Variants in FER1L6 observed in about 807,000 individuals in gnomAD.
The protein encoded by FER1L6 is fer-1 like family member 6.
FER1L6 carries 177 observed loss-of-function variants against 219.2 expected under a neutral mutation model. The observed-to-expected ratio is 0.81, with a 90% CI of 0.71 to 0.91. The LOEUF (loss-of-function observed/expected upper bound fraction) is 0.91. Ranked by LOEUF, FER1L6 falls within the 40% of genes least tolerant of loss-of-function variation. The probability of loss-of-function intolerance (pLI) is 0.00; values close to 1 mark genes in which losing one functional copy is unlikely to be tolerated. For synonymous variants in FER1L6, 768 were observed against 824.3 expected, an observed-to-expected ratio of 0.93 and a Z score of 1.17; for missense variants, 2,153 against 2,259.9, an observed-to-expected ratio of 0.95 and a Z score of 0.96.
At chr8:124,053,427 C>T (rs1820140684) in intron 22 of FER1L6, among the ~76,000 whole-genome samples, 1 of 152,214 alleles carries the variant, frequency 6.6e-6, no homozygotes, top group Non-Finnish European at 1.5e-5. Context: ...GACTTCTTCT[C>T]TTTTGATCAC....
chr8:124,013,132 C>T (rs900884158), intron 14 of FER1L6, among the ~76,000 whole-genome samples: 1 of 152,106 alleles, frequency 6.6e-6, no homozygotes, highest in Non-Finnish European at 1.5e-5. Flanking sequence ...TAGGTTTCCC[C>T]AGAGGGTAGA....
intron 1 of FER1L6, among the ~76,000 whole-genome samples, chr8:123,951,240 C>T (rs1814750309): frequency 6.6e-6 from 1 of 152,138 alleles, no homozygotes; most frequent in Admixed American, 6.5e-5. Context: ...CCAATGAAAT[C>T]ACACCCTAGG....
intron 1 of FER1L6, among the ~76,000 whole-genome samples, chr8:123,942,507 C>T (rs2130001953): frequency 6.6e-6 from 1 of 152,326 alleles, no homozygotes; most frequent in Admixed American, 6.5e-5. Context: ...GTTCTGGAGG[C>T]CAGAAGTCTG....
rs1821273440 is a variant in FER1L6, at chr8:124,076,089, C to G, written c.4093-109C>G. The G allele has an allele frequency of 8.6e-6, 12 of 1,393,800 alleles. No individual in the cohort carries two copies. In the East Asian group the frequency reaches 2.8e-4, roughly 33 times the overall value. The allele number at this position is 1,393,800 out of a possible 1,614,324, so 86.3% of individuals were successfully genotyped here. A position where few individuals can be genotyped will look rare whatever the true frequency, so the allele number is the denominator to read the frequency against. ...GCCCTGGCCCGTTAAATCAGACTAT[C>G]TAGAGACAGAAGTCAGGCATTAGCA... On this transcript the variant is annotated intron_variant, in intron 31 of 40. Coordinates refer to ENST00000522917, the MANE Select transcript of FER1L6 (RefSeq NM_001039112.2).
At chr8:123,859,525 G>A (rs1052041203) in intron 1 of FER1L6, among the ~76,000 whole-genome samples, 26 of 147,342 alleles carry the variant, frequency 1.8e-4, no homozygotes, top group Non-Finnish European at 2.8e-4. Context: ...TCAGCCTCTC[G>A]TAACCACCTT....
intron 18 of FER1L6, among the ~76,000 whole-genome samples, chr8:124,024,539 A>G (rs10087645): frequency 0.65 from 98,455 of 152,054 alleles, 33,679 homozygotes; most frequent in African/African-American, 0.88. Context: ...ACATTATTTC[A>G]TTCTTTTTAT....
At chr8:124,060,145 T>C in intron 22 of FER1L6, 35 bp from the exon 23 acceptor site, 1 of 1,534,842 alleles carries the variant, frequency 6.5e-7, no homozygotes, top group Non-Finnish European at 9.0e-7. Context: ...CCTGTGTCTC[T>C]CCAGCATCTA....
intron 1 of FER1L6, among the ~76,000 whole-genome samples, chr8:123,892,137 T>C (rs745840052): frequency 1.3e-5 from 2 of 152,178 alleles, no homozygotes; most frequent in African/African-American, 4.8e-5. Flanking sequence ...GATTTGTTTA[T>C]AAGGCTCTAT....
intron 1 of FER1L6, among the ~76,000 whole-genome samples, chr8:123,911,418 C>G (rs940816657): frequency 6.6e-6 from 1 of 152,188 alleles, no homozygotes; most frequent in African/African-American, 2.4e-5. Context: ...CAGGCAGTGT[C>G]ATGCTTCACA....
At chr8:124,023,982 C>T (rs1347158158) in intron 18 of FER1L6, among the ~76,000 whole-genome samples, 9 of 151,522 alleles carry the variant, frequency 5.9e-5, no homozygotes, top group African/African-American at 1.9e-4. Context: ...CTGCAACCTC[C>T]GCCTCCCGGA....
At chr8:124,112,745 A>AATAAG (rs1253882821) in intron 39 of FER1L6, among the ~76,000 whole-genome samples, 3 of 152,196 alleles carry the variant, frequency 2.0e-5, no homozygotes, top group Non-Finnish European at 4.4e-5. Flanking sequence ...TTCAACAGTG[A>AATAAG]ATAAGATAAA....
At chr8:124,018,007 G>T (rs993258532) in intron 16 of FER1L6, among the ~76,000 whole-genome samples, 2 of 152,176 alleles carry the variant, frequency 1.3e-5, no homozygotes, top group African/African-American at 4.8e-5. Context: ...CGGTAGACTC[G>T]CTTGGCCCTC....
At chr8:123,970,317 G>A (rs1202928507) in intron 6 of FER1L6, among the ~76,000 whole-genome samples, 1 of 152,160 alleles carries the variant, frequency 6.6e-6, no homozygotes, top group African/African-American at 2.4e-5. Context: ...GGAAGCAAGT[G>A]GTAAGCTATG....
At chr8:123,963,210 A>G in intron 2 of FER1L6, 68 bp from the exon 3 acceptor site, 1 of 1,599,384 alleles carries the variant, frequency 6.3e-7, no homozygotes, top group Non-Finnish European at 8.5e-7. Context: ...GGGCTGGCAT[A>G]AGGTAGAGGC....
At chr8:123,880,636 T>C (rs539706186) in intron 1 of FER1L6, among the ~76,000 whole-genome samples, 1 of 152,136 alleles carries the variant, frequency 6.6e-6, no homozygotes, top group South Asian at 2.1e-4. Context: ...TCAGCCCACG[T>C]CCCCAACCTT....
At chr8:124,097,153 C>T in intron 35 of FER1L6, 118 bp from the exon 36 acceptor site, 1 of 584,940 alleles carries the variant, frequency 1.7e-6, no homozygotes, top group Admixed American at 3.3e-5. Context: ...ATAAAACTAC[C>T]AAGCTACACT....
Position 124,060,577 on chromosome 8 carries a change from G to C in FER1L6, c.3015G>C (p.Lys1005Asn). The C allele has an allele frequency of 6.2e-7, 1 of 1,614,114 alleles. No individual in the cohort carries two copies. Among genetic ancestry groups the C allele is most frequent in the Non-Finnish European group, 8.5e-7 (1 of 1,180,002 alleles). Residue 1005 changes from lysine (K) to asparagine (N), a missense_variant, in exon 24 of 41, where the codon AAG becomes AAC. Physicochemically the swap from Lys to Asn is moderately conservative, Grantham distance 94. Transcript: ENST00000522917. The part of the protein sequence containing the change: ...EVLFWGVREM[K>N]KVQLLSVDRP... ...TCTTCTGGGGAGTTCGGGAAATGAA[G>C]AAGGTGCAGCTCCTCTCTGTGGATC...
intron 1 of FER1L6, among the ~76,000 whole-genome samples, chr8:123,918,410 A>G (rs984704038): frequency 6.6e-6 from 1 of 152,168 alleles, no homozygotes; most frequent in Non-Finnish European, 1.5e-5. Flanking sequence ...TAAGTATTTG[A>G]GACAGTTCCC....
At chr8:124,013,687 T>A (rs931687719) in intron 15 of FER1L6, 156 bp downstream of exon 15, 30 of 467,898 alleles carry the variant, frequency 6.4e-5, no homozygotes, top group Middle Eastern at 5.8e-4. Context: ...CTCGTGCTTG[T>A]GGACTAACTA....
Sources: gnomAD v4.1 joint callset for allele counts (sites outside exome capture counted in the v4.1 genomes callset) on GRCh38, gnomAD v4.1.1 for gene constraint, MANE v1.5 for transcripts, NCBI Gene and HGNC (gene_info 2026-07-23, HGNC 2026-07-21) for gene names.